Variants in SOX6 observed in about 807,000 individuals in gnomAD.
The protein encoded by SOX6 is SRY-box transcription factor 6, also known as transcription factor SOX-6.
Under a neutral mutation model 97.8 loss-of-function variants are expected in SOX6, and 11 were observed. The ratio of observed to expected loss-of-function variants is 0.11; its 90% CI spans 0.07 to 0.19. The LOEUF (loss-of-function observed/expected upper bound fraction) is 0.19. Among genes scored for constraint, SOX6 ranks in the 10% least tolerant of loss-of-function variants. SOX6 has a pLI of 1.00. For synonymous variants in SOX6, 360 were observed against 371.4 expected, an observed-to-expected ratio of 0.97 and a Z score of 0.35; for missense variants, 810 against 1,039.5, an observed-to-expected ratio of 0.78 and a Z score of 3.04.
At chr11:16,086,808 C>T (rs1051335275) in intron 9 of SOX6, among the ~76,000 whole-genome samples, 7 of 152,172 alleles carry the variant, frequency 4.6e-5, no homozygotes, top group Non-Finnish European at 8.8e-5. Flanking sequence ...TTAGGTTTGA[C>T]GTTTATTCTG....
chr11:16,674,947 A>C (rs1847874218), intron 3 of SOX6, among the ~76,000 whole-genome samples: 1 of 152,038 alleles, frequency 6.6e-6, no homozygotes, highest in Non-Finnish European at 1.5e-5. Context: ...ACAGGGTGAG[A>C]CTCTGTCTAA....
chr11:16,476,896 A>G (rs1192831428), upstream of SOX6, among the ~76,000 whole-genome samples: 1 of 152,234 alleles, frequency 6.6e-6, no homozygotes, highest in South Asian at 2.1e-4. Context: ...TGTATAAGCC[A>G]TAATTCAATC....
At chr11:16,171,482 T>C (rs1046772004) in intron 6 of SOX6, among the ~76,000 whole-genome samples, 1 of 151,998 alleles carries the variant, frequency 6.6e-6, no homozygotes, top group Non-Finnish European at 1.5e-5. Flanking sequence ...ATAGAGTACA[T>C]CAGACTCTTT....
chr11:16,252,675 G>T (rs552242373), intron 3 of SOX6: 8 of 152,204 alleles, frequency 5.3e-5, no homozygotes, highest in African/African-American at 1.2e-4. Flanking sequence ...CTGCCTTCAG[G>T]AAAAACGATT....
At chr11:16,097,441 C>G (rs1206871450) in intron 8 of SOX6, among the ~76,000 whole-genome samples, 168 bp downstream of exon 8, 1 of 151,786 alleles carries the variant, frequency 6.6e-6, no homozygotes, top group Non-Finnish European at 1.5e-5. Context: ...TTGAAACTGG[C>G]AGTTTTCTCT....
intron 6 of SOX6, among the ~76,000 whole-genome samples, chr11:16,132,433 GAAAGAAAGAAAA>G (rs1564972568): frequency 3.0e-4 from 24 of 80,608 alleles, no homozygotes; most frequent in Admixed American, 5.8e-4. Flanking sequence ...AAGAAAGAAA[GAAAGAAAGAAAA>G]AAGAAAGAAA....
intron 4 of SOX6, among the ~76,000 whole-genome samples, chr11:16,229,734 A>C (rs1852793690): frequency 6.6e-6 from 1 of 151,840 alleles, no homozygotes; most frequent in Non-Finnish European, 1.5e-5. Context: ...GGCAAAACTG[A>C]CTTAAAAGAA....
chr11:16,106,232 C>A (rs1321678568), intron 7 of SOX6, among the ~76,000 whole-genome samples: 1 of 151,888 alleles, frequency 6.6e-6, no homozygotes, highest in African/African-American at 2.4e-5. Context: ...TACAAGAGGT[C>A]CCAATAACTA....
intron 9 of SOX6, among the ~76,000 whole-genome samples, chr11:16,077,804 T>C (rs1157936971): frequency 6.6e-6 from 1 of 152,150 alleles, no homozygotes; most frequent in Non-Finnish European, 1.5e-5. Flanking sequence ...TGGGGCCTAC[T>C]TGAAGGCAGA....
At chr11:16,128,625 G>T (rs1849664353) in intron 6 of SOX6, among the ~76,000 whole-genome samples, 2 of 152,050 alleles carry the variant, frequency 1.3e-5, no homozygotes, top group African/African-American at 2.4e-5. Flanking sequence ...TATGTAATCT[G>T]GTGACTCTAA....
intron 2 of SOX6, among the ~76,000 whole-genome samples, chr11:16,332,281 AAATT>A (rs1856329230): frequency 6.6e-6 from 1 of 152,134 alleles, no homozygotes; most frequent in African/African-American, 2.4e-5. Context: ...CTTATGCAAA[AAATT>A]ATTACTCACC....
intron 3 of SOX6, among the ~76,000 whole-genome samples, chr11:16,649,729 G>T (rs1849065398): frequency 1.3e-5 from 2 of 151,912 alleles, no homozygotes; most frequent in South Asian, 4.1e-4. Flanking sequence ...AAAAAAAAAG[G>T]TTTTAAGGCA....
At position 16,186,297 on chromosome 11, in the gene SOX6, C is replaced by T. The variant is rs75655581; in HGVS notation, c.708+486G>A. On this transcript the variant is annotated intron_variant, in intron 5 of 15. Coordinates refer to ENST00000683767, the MANE Select transcript of SOX6 (RefSeq NM_001367873.1). ...GGGTATTATTACTCTAGAAAACAGG[C>T]ATTATACCAGGGCTATCTGGGGAAA... Among the ~76,000 whole-genome samples, 5,282 of 152,154 alleles carry T rather than the reference C, an allele frequency of 0.035. 500 individuals are homozygous for T. In the East Asian group the frequency reaches 0.37, roughly 11 times the overall value.
At chr11:16,493,222 A>G (rs1167354091) in intron 4 of SOX6, among the ~76,000 whole-genome samples, 1 of 152,244 alleles carries the variant, frequency 6.6e-6, no homozygotes, top group African/African-American at 2.4e-5. Flanking sequence ...AAACTGTGAT[A>G]TAATCATAGA....
intron 3 of SOX6, among the ~76,000 whole-genome samples, chr11:16,310,228 C>T (rs1000977050): frequency 6.6e-5 from 10 of 151,814 alleles, no homozygotes; most frequent in Admixed American, 1.3e-4. Flanking sequence ...ATAGAAATAA[C>T]GAAGAGTTGC....
chr11:16,043,020 T>C (rs139012728), intron 12 of SOX6, among the ~76,000 whole-genome samples: 1 of 152,248 alleles, frequency 6.6e-6, no homozygotes, highest in Non-Finnish European at 1.5e-5. Context: ...TTACAGAACA[T>C]ACTTTAACAT....
At chr11:16,277,213 G>T (rs1293432596) in intron 3 of SOX6, among the ~76,000 whole-genome samples, 1 of 152,090 alleles carries the variant, frequency 6.6e-6, no homozygotes, top group African/African-American at 2.4e-5. Flanking sequence ...TCTTTGGGAG[G>T]TAATTAGGTT....
rs1259317386 is a variant in SOX6, at chr11:16,431,721, C to A, written c.-5+44594G>T. On this transcript the variant is annotated intron_variant, in intron 1 of 15. Transcript: ENST00000396356. ...AATTGTTATTGGTAACTTGAATTTA[C>A]TAAACTTCCTAGGGTTTTACTTGTC... 5.3e-5 allele frequency among the ~76,000 whole-genome samples: 8 copies of A among 152,010 alleles called. No individual in the cohort carries two copies. In the East Asian group the frequency reaches 1.5e-3, roughly 29 times the overall value.
chr11:16,251,697 A>C (rs1190174284), intron 3 of SOX6, among the ~76,000 whole-genome samples: 2 of 152,192 alleles, frequency 1.3e-5, no homozygotes, highest in African/African-American at 2.4e-5. Flanking sequence ...CAAACTTGGG[A>C]AACACTATCC....
Sources: gnomAD v4.1 joint callset for allele counts (sites outside exome capture counted in the v4.1 genomes callset) on GRCh38, gnomAD v4.1.1 for gene constraint, MANE v1.5 for transcripts, NCBI Gene and HGNC (gene_info 2026-07-23, HGNC 2026-07-21) for gene names.